The following USP9Y variants were observed in gnomAD, a reference collection of about 807,000 sequenced individuals.
USP9Y encodes the protein ubiquitin carboxyl-terminal hydrolase 9Y.
A neutral mutation model predicts 53.1 loss-of-function variants in USP9Y; 41 were observed. The ratio of observed to expected loss-of-function variants is 0.77; its 90% CI spans 0.60 to 1.00. The LOEUF (loss-of-function observed/expected upper bound fraction) is 1.00, where lower values mean the gene tolerates loss of function less well. USP9Y is among the 50% of genes least tolerant of loss of function. The probability of loss-of-function intolerance (pLI) is 0.00; values close to 1 mark genes in which losing one functional copy is unlikely to be tolerated. For missense variants in USP9Y, 567 were observed against 535.8 expected, an observed-to-expected ratio of 1.06 and a Z score of -0.58; for synonymous variants, 220 against 173.7, an observed-to-expected ratio of 1.27 and a Z score of -2.09.
intron 15 of USP9Y, among the ~76,000 whole-genome samples, chrY:12,761,469 G>A (rs916935896): frequency 2.4e-4 from 8 of 32,716 alleles, no homozygotes; most frequent in Non-Finnish European, 4.5e-4. Context: ...ATGCTATGTG[G>A]AGATCTATCT....
chrY:12,788,190 A>G (rs2053503943), intron 24 of USP9Y, among the ~76,000 whole-genome samples: 1 of 33,735 alleles, frequency 3.0e-5, no homozygotes, highest in African/African-American at 1.2e-4. Context: ...TGGAGAAGTT[A>G]TGAATAGAGA....
In USP9Y at chrY:12,722,196, G is replaced by A. The variant is rs779626695; in HGVS notation, c.325+9G>A. 2.6e-6 allele frequency: 1 copy of A among 383,448 alleles called. No individual in the cohort carries two copies. The highest frequency in any genetic ancestry group is 3.7e-6 in the Non-Finnish European group (1 of 270,137). The stretch of plus-strand genomic sequence containing the variant: ...TGATCTTAGTGTAAAAGGTGAGTGT[G>A]GATGTACATTTTCTATAATACGTGC... On this transcript the variant is annotated intron_variant, in intron 5 of 45. Coordinates refer to ENST00000338981, the MANE Select transcript of USP9Y (RefSeq NM_004654.4).
Position 12,775,521 on chromosome Y carries a change from T to A in USP9Y, c.2382T>A (p.Leu794=). ...DEIANRAIDL[L]KEIYTNLGPR... The stretch of plus-strand genomic sequence containing the variant: ...TTGCTAACAGAGCTATAGATCTTCT[T>A]AAAGAGATATACACAAACCTTGGCC... The change falls in exon 18 of 46, where the codon CTT becomes CTA. Residue 794 remains leucine, a synonymous_variant. Transcript: ENST00000338981. The A allele has an allele frequency of 2.5e-6, 1 of 394,603 alleles. No homozygotes were observed. Among genetic ancestry groups the A allele is most frequent in the Non-Finnish European group, 3.6e-6 (1 of 281,056 alleles).
chrY:12,735,929 G>A, intron 8 of USP9Y, 69 bp from the exon 9 acceptor site: 3 of 377,057 alleles, frequency 8.0e-6, no homozygotes, highest in Non-Finnish European at 1.1e-5. Context: ...AATGTTGAAA[G>A]TAATTGGCAA....
intron 16 of USP9Y, among the ~76,000 whole-genome samples, chrY:12,773,010 C>T (rs2053487432): frequency 3.0e-5 from 1 of 32,803 alleles, no homozygotes; most frequent in Non-Finnish European, 7.5e-5. Flanking sequence ...TTAAAGCAGA[C>T]TAATCATTGT....
intron 27 of USP9Y, among the ~76,000 whole-genome samples, chrY:12,794,363 A>G: frequency 1.2e-4 from 4 of 33,999 alleles, no homozygotes; most frequent in African/African-American, 4.6e-4. Flanking sequence ...GTTTCTGTAT[A>G]TATTCTGGAT....
At chrY:12,769,984 A>G in intron 15 of USP9Y, among the ~76,000 whole-genome samples, 2 of 33,029 alleles carry the variant, frequency 6.1e-5, no homozygotes, top group Non-Finnish European at 1.5e-4. Context: ...AGTAGAGACC[A>G]TGTTGGCTAG....
intron 27 of USP9Y, among the ~76,000 whole-genome samples, chrY:12,805,493 G>A (rs2053523526): frequency 3.1e-5 from 1 of 32,608 alleles, no homozygotes. Flanking sequence ...CACCTTTGTC[G>A]GGACCATCTT....
At position 12,776,184 on chromosome Y, in the gene USP9Y, C is replaced by A. The variant is rs2148285680; in HGVS notation, c.2428-465C>A. ...TGAGATGGAGTTTCACTCTTCTTGC[C>A]CAGGTTAGAGTTCAATGGCGGGATC... On this transcript the variant is annotated intron_variant, in intron 18 of 45. Transcript: ENST00000338981. Among the ~76,000 whole-genome samples, 4 of 28,305 alleles carry A rather than the reference C, an allele frequency of 1.4e-4. No homozygotes were observed. The South Asian group carries it at 2.7e-3, about 19-fold the overall frequency. The allele number at this position is 28,305 out of a possible 37,273, so 75.9% of individuals were successfully genotyped here. A position where few individuals can be genotyped will look rare whatever the true frequency, so the allele number is the denominator to read the frequency against.
chrY:12,702,418 G>A, intron 1 of USP9Y, among the ~76,000 whole-genome samples: 1 of 33,783 alleles, frequency 3.0e-5, no homozygotes, highest in Non-Finnish European at 7.3e-5. Flanking sequence ...CTAGCAGTTG[G>A]CAAGAGGTAT....
At chrY:12,761,417 A>G (rs958724838) in intron 15 of USP9Y, among the ~76,000 whole-genome samples, 2 of 34,156 alleles carry the variant, frequency 5.9e-5, no homozygotes, top group African/African-American at 2.3e-4. Flanking sequence ...AAATATTTTA[A>G]AACTGTTTCT....
At chrY:12,767,355 T>C (rs2053480930) in intron 15 of USP9Y, among the ~76,000 whole-genome samples, 1 of 33,115 alleles carries the variant, frequency 3.0e-5, no homozygotes, top group African/African-American at 1.2e-4. Context: ...CCAAGAAGGT[T>C]TGCATCTTTT....
At chrY:12,779,955 A>AG (rs2053497414) in intron 22 of USP9Y, among the ~76,000 whole-genome samples, 3 of 33,528 alleles carry the variant, frequency 8.9e-5, no homozygotes, top group African/African-American at 2.3e-4. Context: ...AAGAAAACTC[A>AG]CCCTCAAGGT....
At position 12,739,650 on chromosome Y, in the gene USP9Y, G is replaced by T. The variant is rs1405223896; in HGVS notation, c.1422+21G>T. 1.3e-5 allele frequency: 4 copies of T among 305,450 alleles called. No individual in the cohort carries two copies. In the Admixed American group the frequency reaches 3.2e-4, roughly 24 times the overall value. The allele number at this position is 305,450 out of a possible 400,897, so 76.2% of individuals were successfully genotyped here. A position where few individuals can be genotyped will look rare whatever the true frequency, so the allele number is the denominator to read the frequency against. ...TTAAGGTAGTAGCTTGAATAGTAAA[G>T]TATTGCCAAATAGTAAATATTGCCA... is the stretch of plus-strand genomic sequence containing the variant. On this transcript the variant is annotated intron_variant, in intron 12 of 45. Transcript: ENST00000338981.
chrY:12,719,384 C>T (rs2053433294), intron 3 of USP9Y, among the ~76,000 whole-genome samples: 1 of 33,515 alleles, frequency 3.0e-5, no homozygotes, highest in South Asian at 6.5e-4. Flanking sequence ...ATTTTTGTGT[C>T]TAAACTATTG....
intron 12 of USP9Y, among the ~76,000 whole-genome samples, chrY:12,750,480 A>G: frequency 3.0e-5 from 1 of 33,439 alleles, no homozygotes; most frequent in Non-Finnish European, 7.4e-5. Flanking sequence ...CTTGTTTCTG[A>G]TTGTAGTTGG....
At chrY:12,715,649 C>T (rs777839298) in intron 3 of USP9Y, among the ~76,000 whole-genome samples, 1 of 32,936 alleles carries the variant, frequency 3.0e-5, no homozygotes, top group Admixed American at 2.8e-4. Flanking sequence ...TACTTCCCAC[C>T]ATGAGCCTTC....
intron 17 of USP9Y, among the ~76,000 whole-genome samples, chrY:12,775,079 A>G (rs758159113): frequency 3.0e-5 from 1 of 33,357 alleles, no homozygotes; most frequent in Admixed American, 2.8e-4. Context: ...AAAAACACTG[A>G]TTTATTAAAT....
intron 21 of USP9Y, 133 bp downstream of exon 21, chrY:12,778,888 A>C: frequency 1.2e-5 from 2 of 163,642 alleles, no homozygotes; most frequent in African/African-American, 1.7e-4. Context: ...CTTCTGAGTG[A>C]ATTTCTTAGT....
Sources: gnomAD v4.1 joint callset for allele counts (sites outside exome capture counted in the v4.1 genomes callset) on GRCh38, gnomAD v4.1.1 for gene constraint, MANE v1.5 for transcripts, NCBI Gene and HGNC (gene_info 2026-07-23, HGNC 2026-07-21) for gene names.